Variants in SEC31B observed in about 807,000 individuals in gnomAD.
SEC31B encodes protein transport protein Sec31B.
Under a neutral mutation model 135.0 loss-of-function variants are expected in SEC31B, and 113 were observed. The observed-to-expected ratio is 0.84, with a 90% CI of 0.72 to 0.98. SEC31B has a LOEUF of 0.98. Among genes scored for constraint, SEC31B ranks in the 50% least tolerant of loss-of-function variants. The pLI is 0.00. For synonymous variants in SEC31B, 508 were observed against 549.4 expected (o/e 0.92, Z 1.05); for missense variants, 1,296 against 1,421.1 (o/e 0.91, Z 1.42).
chr10:100,516,980 G>C lies in SEC31B; in HGVS notation c.-28C>G. 3.2e-6 allele frequency: 5 copies of C among 1,567,566 alleles called. No homozygotes were observed. The highest frequency in any genetic ancestry group is 4.4e-6 in the Non-Finnish European group (5 of 1,137,832). ...TCTATCCTGTAGGTGGCAGAAAACT[G>C]ACATGGCCCTCAGCCCACTGAAAAT... On this transcript the variant is annotated 5_prime_UTR_variant, in exon 2 of 26. The change creates a premature stop within an existing upstream ORF in the 5' untranslated region. Transcript: ENST00000370345.
chr10:100,506,664 C>G (rs1190785782), intron 7 of SEC31B, among the ~76,000 whole-genome samples: 1 of 152,232 alleles, frequency 6.6e-6, no homozygotes, highest in Non-Finnish European at 1.5e-5. Flanking sequence ...ATGTACCACT[C>G]TGCCTCTCTT....
intron 19 of SEC31B, among the ~76,000 whole-genome samples, chr10:100,492,924 G>A (rs779843222): frequency 1.1e-4 from 16 of 152,158 alleles, no homozygotes; most frequent in Non-Finnish European, 1.0e-4. Context: ...ATTATAAAAC[G>A]CTGATGGAGA....
intron 10 of SEC31B, among the ~76,000 whole-genome samples, chr10:100,503,735 C>T (rs1344586300): frequency 4.8e-5 from 7 of 146,630 alleles, no homozygotes; most frequent in Non-Finnish European, 7.5e-5. Flanking sequence ...AGCGCCTGGC[C>T]GACAACTTTT....
rs1851477426 is a variant in SEC31B, at chr10:100,499,552, C to T, written c.1457G>A (p.Gly486Glu). The stretch of plus-strand genomic sequence containing the variant: ...CTTCTGAAGCTCATCTTTACTGTAT[C>T]CTAAAAGCTTTAGGAATTTCATTCT... Reference protein sequence around the residue: ...DSRMKFLKLLGYSKDELQKKV... With the variant: ...DSRMKFLKLLEYSKDELQKKV... Residue 486 changes from glycine to glutamate, a missense_variant, in exon 12 of 26, where the codon GGA (glycine) becomes GAA (glutamate). Physicochemically the swap from Gly to Glu is moderately conservative, Grantham distance 98. Transcript: ENST00000370345. 3.1e-6 allele frequency: 5 copies of T among 1,612,484 alleles called. No homozygotes were observed. Among genetic ancestry groups the T allele is most frequent in the South Asian group, 1.1e-5 (1 of 90,584 alleles).
chr10:100,501,944 A>G (rs770013976), intron 11 of SEC31B, among the ~76,000 whole-genome samples: 2 of 152,026 alleles, frequency 1.3e-5, no homozygotes, highest in African/African-American at 4.8e-5. Flanking sequence ...GCCCTTTGGC[A>G]TGATACCGTG....
chr10:100,489,937 G>C (rs1165696248), intron 21 of SEC31B, 71 bp downstream of exon 21: 2 of 1,531,212 alleles, frequency 1.3e-6, no homozygotes, highest in Middle Eastern at 1.8e-4. Flanking sequence ...CTTGAGGAAA[G>C]ACTCCCAAAG....
chr10:100,504,384 A>T (rs1026786716), intron 10 of SEC31B, among the ~76,000 whole-genome samples: 1 of 152,242 alleles, frequency 6.6e-6, no homozygotes, highest in Non-Finnish European at 1.5e-5. Flanking sequence ...CAAGTGCTTC[A>T]GGGCCTTGTC....
At chr10:100,505,202 C>A (rs1446749571) in intron 10 of SEC31B, among the ~76,000 whole-genome samples, 159 bp downstream of exon 10, 1 of 152,004 alleles carries the variant, frequency 6.6e-6, no homozygotes, top group Non-Finnish European at 1.5e-5. Context: ...TAACTCTCTC[C>A]TTGAGAGGTA....
Position 100,499,261 on chromosome 10 carries a change from G to A in SEC31B, c.1486-3C>T. 1.2e-6 allele frequency: 2 copies of A among 1,608,872 alleles called. No homozygotes were observed. Among genetic ancestry groups the A allele is most frequent in the Non-Finnish European group, 1.7e-6 (2 of 1,177,010 alleles). On this transcript the variant is annotated splice_polypyrimidine_tract_variant and splice_region_variant and intron_variant, in intron 12 of 25. Transcript: ENST00000370345. ...TCACTCTTCAACCATGTGGCCACCT[G>A]CAGGGAGAGACCTCTGAAAACCGCT... is the stretch of plus-strand genomic sequence containing the variant.
intron 1 of SEC31B, 83 bp downstream of exon 1, chr10:100,519,699 G>C (rs937166148): frequency 1.3e-4 from 20 of 152,274 alleles, no homozygotes; most frequent in African/African-American, 4.8e-4. Context: ...TCCCCTCCGC[G>C]CTCTGCCGAG....
rs1186012635 is a variant in SEC31B, at chr10:100,489,757, AGGTCCTATAGAATAAAAAGATAGAG to A, written c.2966-21_2969del. ...CTGGGGCTTCTTTCCAGGAATCTTGAGGTCCTATAGAATAAAAAGATAGAGGTTTTTCGGCGCATAGTGAAAAACA... is the reference window on the plus strand; with the variant it reads ...CTGGGGCTTCTTTCCAGGAATCTTGAGTTTTTCGGCGCATAGTGAAAAACA... On this transcript the variant is annotated splice_acceptor_variant and splice_polypyrimidine_tract_variant and coding_sequence_variant and intron_variant, in exon 22 of 26. Transcript: ENST00000370345. LOFTEE classifies it high-confidence loss of function. The A allele has an allele frequency of 1.5e-5, 25 of 1,613,942 alleles. No individual in the cohort carries two copies. The highest frequency in any genetic ancestry group is 2.1e-5 in the Non-Finnish European group (25 of 1,179,988).
chr10:100,507,963 A>G lies in SEC31B; in HGVS notation c.584T>C (p.Val195Ala), dbSNP rs1851664969. 6.2e-7 allele frequency: 1 copy of G among 1,614,092 alleles called. No homozygotes were observed. Among genetic ancestry groups the G allele is most frequent in the Non-Finnish European group, 8.5e-7 (1 of 1,180,044 alleles). The change falls in exon 6 of 26, where the codon GTG becomes GCG. Residue 195 changes from valine (V) to alanine (A), a missense_variant. By Grantham distance (64) the Val-to-Ala change is moderately conservative. Coordinates refer to ENST00000370345, the MANE Select transcript of SEC31B (RefSeq NM_015490.4). ...SSAHPSGKAV[V>A]WDLRKNEPII... is the part of the protein sequence containing the mutation. ...AGGTTCATTCTTCCTGAGATCCCAC[A>G]CAACTGCCTTGCCACTGGGGTGAGC...
chr10:100,509,633 G>T, intron 3 of SEC31B, 122 bp from the exon 4 acceptor site: 2 of 704,424 alleles, frequency 2.8e-6, no homozygotes, highest in Non-Finnish European at 4.6e-6. Flanking sequence ...GAACTTGCCT[G>T]TCTCCTTCAT....
In SEC31B at chr10:100,489,187, C is replaced by T. The variant is rs76505435; in HGVS notation, c.3171+65G>A. 1.4e-5 allele frequency: 21 copies of T among 1,526,152 alleles called. No individual in the cohort carries two copies. In the East Asian group the frequency reaches 4.5e-4, roughly 33 times the overall value. 94.5% of individuals were successfully genotyped at this position (1,526,152 alleles called of 1,614,324 possible). Reference sequence around the variant, plus strand: ...GCCTTGAGGAATGAGGCCCATCTACCATGACCTGCACCCAAGGAGGGCTGG... The same window carrying T: ...GCCTTGAGGAATGAGGCCCATCTACTATGACCTGCACCCAAGGAGGGCTGG... On this transcript the variant is annotated intron_variant, in intron 23 of 25. Transcript: ENST00000370345.
At chr10:100,508,180 A>G in intron 5 of SEC31B, 129 bp from the exon 6 acceptor site, 5 of 1,108,596 alleles carry the variant, frequency 4.5e-6, no homozygotes, top group Non-Finnish European at 6.5e-6. Flanking sequence ...AAACTAAGAC[A>G]GTGTTGCGAA....
intron 10 of SEC31B, among the ~76,000 whole-genome samples, chr10:100,504,513 C>T (rs1209159443): frequency 6.6e-6 from 1 of 152,232 alleles, no homozygotes; most frequent in South Asian, 2.1e-4. Flanking sequence ...TTAATAAGAT[C>T]CCCAAGTGAT....
chr10:100,494,926 A>C, intron 19 of SEC31B: 1 of 186,960 alleles, frequency 5.3e-6, no homozygotes, highest in Non-Finnish European at 1.1e-5. Flanking sequence ...CCCAGGTTCA[A>C]GTGATACTCC....
intron 19 of SEC31B, among the ~76,000 whole-genome samples, chr10:100,492,791 T>G (rs116253722): frequency 2.6e-5 from 4 of 152,154 alleles, no homozygotes; most frequent in African/African-American, 9.7e-5. Flanking sequence ...ACCAAGAAAT[T>G]TGATTTTAAA....
In SEC31B at chr10:100,506,435, G is replaced by A. The variant is rs1245619882; in HGVS notation, c.783-15C>T. The A allele has an allele frequency of 6.2e-7, 1 of 1,612,930 alleles. No individual in the cohort carries two copies. Among genetic ancestry groups the A allele is most frequent in the South Asian group, 1.1e-5 (1 of 91,058 alleles). ...ACAAGATCCCCCTAAAAAGAGAAGG[G>A]AAGAGGAACTAGCATTTGTTGAATG... On this transcript the variant is annotated splice_polypyrimidine_tract_variant and intron_variant, in intron 7 of 25. Coordinates refer to ENST00000370345, the MANE Select transcript of SEC31B (RefSeq NM_015490.4).
Sources: allele counts gnomAD v4.1 joint callset (sites outside exome capture counted in the v4.1 genomes callset), GRCh38; gene constraint gnomAD v4.1.1; transcripts MANE v1.5; gene names NCBI Gene and HGNC (gene_info 2026-07-23, HGNC 2026-07-21).